The following FGGY variants were observed in gnomAD, a reference collection of about 807,000 sequenced individuals.
FGGY encodes the protein FGGY carbohydrate kinase domain containing.
Under a neutral mutation model 71.3 loss-of-function variants are expected in FGGY, and 72 were observed. That is an observed-to-expected ratio of 1.01 (90% confidence interval 0.84 to 1.23). FGGY has a LOEUF of 1.23. Ranked by LOEUF, FGGY falls within the 50% of genes most tolerant of loss-of-function variation. FGGY has a pLI of 0.00. For missense variants in FGGY, 668 were observed against 682.3 expected, an observed-to-expected ratio of 0.98 and a Z score of 0.23; for synonymous variants, 251 against 250.3, an observed-to-expected ratio of 1.00 and a Z score of -0.02.
intron 8 of FGGY, among the ~76,000 whole-genome samples, chr1:59,585,501 C>A (rs1178433237): frequency 2.0e-5 from 3 of 152,168 alleles, no homozygotes; most frequent in South Asian, 4.1e-4. Context: ...CTTCCTTACA[C>A]CCTATACAAA....
intron 5 of FGGY, among the ~76,000 whole-genome samples, chr1:59,447,310 A>G (rs1253595572): frequency 2.0e-5 from 3 of 152,096 alleles, no homozygotes; most frequent in Non-Finnish European, 2.9e-5. Context: ...AATTAGCCTT[A>G]TATCTTTTCT....
intron 9 of FGGY, among the ~76,000 whole-genome samples, chr1:59,614,705 A>G (rs1245655056): frequency 6.6e-6 from 1 of 152,180 alleles, no homozygotes; most frequent in Non-Finnish European, 1.5e-5. Context: ...GAGGAAGTCA[A>G]ATTTTTCCTG....
intron 5 of FGGY, among the ~76,000 whole-genome samples, chr1:59,387,939 C>T (rs372435436): frequency 1.3e-5 from 2 of 152,156 alleles, no homozygotes; most frequent in African/African-American, 4.8e-5. Flanking sequence ...CAGAGGGCCA[C>T]TCACTCTTTC....
At chr1:59,336,859 A>G (rs35620078) in intron 2 of FGGY, among the ~76,000 whole-genome samples, 16,480 of 152,000 alleles carry the variant, frequency 0.11, 919 homozygotes, top group Middle Eastern at 0.12. Flanking sequence ...ATATTTCTCC[A>G]ATTTTTAGCT....
intron 7 of FGGY, among the ~76,000 whole-genome samples, chr1:59,512,730 A>T (rs774927933): frequency 6.6e-6 from 1 of 152,190 alleles, no homozygotes; most frequent in Non-Finnish European, 1.5e-5. Flanking sequence ...TTCAAAAAAG[A>T]TATGTTAATT....
chr1:59,584,369 A>C (rs1205201791), intron 8 of FGGY, among the ~76,000 whole-genome samples: 11 of 150,120 alleles, frequency 7.3e-5, no homozygotes, highest in Admixed American at 1.3e-4. Flanking sequence ...TTCAGCATAC[A>C]CAAATCAATA....
At chr1:59,537,150 C>T (rs577341780) in intron 7 of FGGY, among the ~76,000 whole-genome samples, 9 of 150,224 alleles carry the variant, frequency 6.0e-5, no homozygotes, top group Non-Finnish European at 1.2e-4. Flanking sequence ...TCAGCAAAGT[C>T]TCAGGATACA....
At chr1:59,339,782 GT>G (rs1203809074) in intron 2 of FGGY, among the ~76,000 whole-genome samples, 175 bp from the exon 3 acceptor site, 2 of 151,916 alleles carry the variant, frequency 1.3e-5, no homozygotes, top group East Asian at 3.9e-4. Context: ...AGTTAGTTTG[GT>G]TCTTTTTTTC....
chr1:59,402,684 A>T (rs918119033), intron 5 of FGGY, among the ~76,000 whole-genome samples: 7 of 152,202 alleles, frequency 4.6e-5, no homozygotes, highest in African/African-American at 1.4e-4. Context: ...ATTTCCAGGC[A>T]TTAGGGACAC....
chr1:59,556,137 C>G (rs1187316500), intron 8 of FGGY, among the ~76,000 whole-genome samples: 1 of 152,126 alleles, frequency 6.6e-6, no homozygotes, highest in African/African-American at 2.4e-5. Context: ...AGGAGCCAGC[C>G]CTTCTTTCCC....
chr1:59,651,972 T>C (rs910448006), intron 11 of FGGY, among the ~76,000 whole-genome samples: 2 of 151,494 alleles, frequency 1.3e-5, no homozygotes, highest in South Asian at 4.2e-4. Flanking sequence ...TCTCAGCATT[T>C]GCTTGTCTGT....
chr1:59,471,309 G>T (rs1284309070), intron 6 of FGGY, among the ~76,000 whole-genome samples: 1 of 152,092 alleles, frequency 6.6e-6, no homozygotes, highest in East Asian at 1.9e-4. Flanking sequence ...GTTTCCTGAG[G>T]CCTCCCAAGC....
chr1:59,388,775 AATAC>A (rs1002984380), intron 5 of FGGY, among the ~76,000 whole-genome samples: 15 of 152,288 alleles, frequency 9.8e-5, no homozygotes, highest in Admixed American at 9.2e-4. Context: ...TAATTTTAAT[AATAC>A]ATATAGCATA....
intron 8 of FGGY, among the ~76,000 whole-genome samples, chr1:59,579,828 A>G (rs1392708244): frequency 2.0e-5 from 3 of 152,152 alleles, no homozygotes; most frequent in African/African-American, 7.2e-5. Flanking sequence ...ACCTTTCAAT[A>G]ATTTTGCATT....
At chr1:59,379,338 A>G (rs917862000) in intron 5 of FGGY, among the ~76,000 whole-genome samples, 1 of 152,158 alleles carries the variant, frequency 6.6e-6, no homozygotes, top group Admixed American at 6.5e-5. Context: ...GGTATAGCCT[A>G]TTGCTGCTTG....
intron 7 of FGGY, among the ~76,000 whole-genome samples, chr1:59,551,022 A>G (rs2095600342): frequency 6.6e-6 from 1 of 152,176 alleles, no homozygotes; most frequent in African/African-American, 2.4e-5. Context: ...TACCCAGCCT[A>G]TCTTTGATGT....
chr1:59,369,230 G>C (rs899827743), intron 4 of FGGY, among the ~76,000 whole-genome samples: 5 of 152,180 alleles, frequency 3.3e-5, no homozygotes, highest in African/African-American at 1.2e-4. Flanking sequence ...TTTTCCGACG[G>C]GCTTAAAAAA....
chr1:59,525,237 C>T (rs1258415620), intron 7 of FGGY, among the ~76,000 whole-genome samples: 1 of 152,194 alleles, frequency 6.6e-6, no homozygotes, highest in African/African-American at 2.4e-5. Context: ...CACTTGCTCA[C>T]CCACACACCC....
intron 1 of FGGY, among the ~76,000 whole-genome samples, chr1:59,308,724 G>C (rs1242468111): frequency 6.6e-6 from 1 of 152,102 alleles, no homozygotes; most frequent in South Asian, 2.1e-4. Flanking sequence ...TAGAGACCAC[G>C]AATGGCCCTG....
Sources: gnomAD v4.1 joint callset for allele counts (sites outside exome capture counted in the v4.1 genomes callset) on GRCh38, gnomAD v4.1.1 for gene constraint, MANE v1.5 for transcripts, NCBI Gene and HGNC (gene_info 2026-07-23, HGNC 2026-07-21) for gene names.